The following HSD17B12 variants were observed in gnomAD, a reference collection of about 807,000 sequenced individuals.
The protein encoded by HSD17B12 is hydroxysteroid 17-beta dehydrogenase 12, also known as very-long-chain 3-oxoacyl-CoA reductase.
HSD17B12 carries 32 observed loss-of-function variants against 39.3 expected under a neutral mutation model. The observed-to-expected ratio is 0.81, with a 90% CI of 0.61 to 1.09. HSD17B12 has a LOEUF of 1.09. HSD17B12 is among the 50% of genes least tolerant of loss of function. The pLI is 0.00. For synonymous variants in HSD17B12, 150 were observed against 146.7 expected (o/e 1.02, Z -0.16); for missense variants, 342 against 382.9 (o/e 0.89, Z 0.89).
chr11:43,668,263 C>T, the HSD17B12 span, among the ~76,000 whole-genome samples: 2 of 152,170 alleles, frequency 1.3e-5, no homozygotes, highest in African/African-American at 4.8e-5. Flanking sequence ...CTTCTAGAGG[C>T]TGTGCACATT....
intron 3 of HSD17B12, among the ~76,000 whole-genome samples, chr11:43,788,913 G>A (rs1295894959): frequency 6.6e-6 from 1 of 152,022 alleles, no homozygotes; most frequent in Non-Finnish European, 1.5e-5. Flanking sequence ...TTTGAATGAG[G>A]GGGCCCCACA....
At chr11:43,564,423 C>A in the HSD17B12 span, among the ~76,000 whole-genome samples, 3 of 152,246 alleles carry the variant, frequency 2.0e-5, no homozygotes. Context: ...ATAGCCACTT[C>A]ATTCCCTGAA....
At chr11:43,841,204 T>G (rs2135130926) in intron 9 of HSD17B12, among the ~76,000 whole-genome samples, 1 of 152,336 alleles carries the variant, frequency 6.6e-6, no homozygotes, top group South Asian at 2.1e-4. Flanking sequence ...TTCCAGTCCT[T>G]TGCATATGTT....
intron 4 of HSD17B12, among the ~76,000 whole-genome samples, chr11:43,813,308 G>T (rs1353916918): frequency 6.6e-6 from 1 of 152,038 alleles, no homozygotes; most frequent in Non-Finnish European, 1.5e-5. Flanking sequence ...ATGAAATCTG[G>T]ATTTTAAAAG....
At chr11:43,679,075 C>T (rs913205950), upstream of HSD17B12, among the ~76,000 whole-genome samples, 66 of 152,212 alleles carry the variant, frequency 4.3e-4, no homozygotes, top group African/African-American at 1.4e-3. Flanking sequence ...GAGCATGGAA[C>T]GTTCTTCCAT....
chr11:43,773,293 G>A (rs1950667537), intron 3 of HSD17B12, among the ~76,000 whole-genome samples: 1 of 152,104 alleles, frequency 6.6e-6, no homozygotes, highest in Admixed American at 6.5e-5. Flanking sequence ...ACCCAGGCTG[G>A]AGTGTAGTGG....
the HSD17B12 span, among the ~76,000 whole-genome samples, chr11:43,580,815 A>G: frequency 6.6e-6 from 1 of 151,724 alleles, no homozygotes; most frequent in Non-Finnish European, 1.5e-5. Context: ...CCCCCTTCTG[A>G]AAAAAAAGGG....
the HSD17B12 span, among the ~76,000 whole-genome samples, chr11:43,621,881 T>G: frequency 1.3e-5 from 2 of 152,208 alleles, no homozygotes; most frequent in African/African-American, 4.8e-5. Context: ...ACTTAGTGCA[T>G]GTTTAATCAT....
the HSD17B12 span, among the ~76,000 whole-genome samples, chr11:43,568,473 C>G: frequency 1.3e-5 from 2 of 152,168 alleles, no homozygotes; most frequent in Non-Finnish European, 2.9e-5. Flanking sequence ...TTTGTCCAAT[C>G]TGCACTCTCA....
At chr11:43,723,261 G>A (rs964365961) in intron 1 of HSD17B12, among the ~76,000 whole-genome samples, 2 of 152,136 alleles carry the variant, frequency 1.3e-5, no homozygotes. Flanking sequence ...GAATTAAAGT[G>A]CTACTTGTAA....
intron 3 of HSD17B12, among the ~76,000 whole-genome samples, chr11:43,795,199 T>C (rs961150035): frequency 1.3e-5 from 2 of 152,140 alleles, no homozygotes; most frequent in Non-Finnish European, 2.9e-5. Flanking sequence ...GGTAATAGGC[T>C]ATGGGAAGGG....
intron 9 of HSD17B12, 95 bp downstream of exon 9, chr11:43,840,159 CTAAG>C (rs2135129149): frequency 1.1e-6 from 1 of 943,366 alleles, no homozygotes; most frequent in South Asian, 1.5e-5. Context: ...AATCATATTC[CTAAG>C]TAAGTGAATG....
In HSD17B12 at chr11:43,844,215, AT is replaced by A. The variant is rs1565110336; in HGVS notation, c.684+4153del. 2.6e-5 allele frequency among the ~76,000 whole-genome samples: 4 copies of A among 152,272 alleles called. No individual in the cohort carries two copies. In the East Asian group the frequency reaches 7.7e-4, roughly 29 times the overall value. On this transcript the variant is annotated intron_variant, in intron 9 of 10. Transcript: ENST00000278353. The stretch of plus-strand genomic sequence containing the variant: ...CTCTTTTGGGGAAGGAAGAGGGTAT[AT>A]TGTTCAAATTCTAGATTGTTTCAGA...
intron 3 of HSD17B12, among the ~76,000 whole-genome samples, chr11:43,780,851 T>G (rs1950758184): frequency 6.6e-6 from 1 of 152,236 alleles, no homozygotes; most frequent in Non-Finnish European, 1.5e-5. Context: ...CTAGAATATA[T>G]GTGGCCCTGC....
the HSD17B12 span, among the ~76,000 whole-genome samples, chr11:43,595,681 C>G: frequency 6.6e-6 from 1 of 152,098 alleles, no homozygotes; most frequent in Non-Finnish European, 1.5e-5. Context: ...ATGGTAATCC[C>G]CGGTGGGGAG....
chr11:43,652,928 A>G, the HSD17B12 span, among the ~76,000 whole-genome samples: 2 of 152,142 alleles, frequency 1.3e-5, no homozygotes, highest in South Asian at 2.1e-4. Flanking sequence ...CTATTACTGA[A>G]TGAGGAAACC....
intron 3 of HSD17B12, among the ~76,000 whole-genome samples, chr11:43,757,433 A>G (rs1950516029): frequency 6.6e-6 from 1 of 151,314 alleles, no homozygotes; most frequent in African/African-American, 2.4e-5. Flanking sequence ...GGAGATCGAG[A>G]CCATCCTGGC....
chr11:43,634,740 G>A, the HSD17B12 span, among the ~76,000 whole-genome samples: 2 of 152,096 alleles, frequency 1.3e-5, no homozygotes. Context: ...GACATGAGGT[G>A]GTCCCACAGA....
the HSD17B12 span, among the ~76,000 whole-genome samples, chr11:43,643,402 A>T: frequency 6.6e-6 from 1 of 152,188 alleles, no homozygotes; most frequent in Non-Finnish European, 1.5e-5. Flanking sequence ...TTCATTTATG[A>T]ATAAAATATG....
Sources: gnomAD v4.1 joint callset for allele counts (sites outside exome capture counted in the v4.1 genomes callset) on GRCh38, gnomAD v4.1.1 for gene constraint, MANE v1.5 for transcripts, NCBI Gene and HGNC (gene_info 2026-07-23, HGNC 2026-07-21) for gene names.